The following SEMA3C variants were observed in gnomAD, a reference collection of about 807,000 sequenced individuals.
SEMA3C encodes semaphorin-3C.
In SEMA3C, 47 loss-of-function variants were observed where a neutral mutation model predicts 89.4. The observed-to-expected ratio is 0.53, with a 90% confidence interval of 0.42 to 0.67. The LOEUF is 0.67. Ranked by LOEUF, SEMA3C falls within the 30% of genes least tolerant of loss-of-function variation. The probability of loss-of-function intolerance (pLI) is 0.00; values close to 1 mark genes in which losing one functional copy is unlikely to be tolerated. For missense variants in SEMA3C, 839 were observed against 929.1 expected (o/e 0.90, Z 1.26); for synonymous variants, 310 against 320.2 (o/e 0.97, Z 0.34).
At chr7:80,757,431 C>A (rs770119328) in intron 15 of SEMA3C, among the ~76,000 whole-genome samples, 33 of 152,114 alleles carry the variant, frequency 2.2e-4, no homozygotes, top group Non-Finnish European at 4.7e-4. Context: ...ATAAAAAGTA[C>A]CCTGCCTCAG....
intron 5 of SEMA3C, among the ~76,000 whole-genome samples, chr7:80,814,942 G>A (rs1003685277): frequency 1.3e-5 from 2 of 151,986 alleles, no homozygotes; most frequent in Non-Finnish European, 2.9e-5. Flanking sequence ...CCCACGCACC[G>A]TGCCACAAAT....
chr7:80,783,279 T>C (rs1339469551), intron 12 of SEMA3C, among the ~76,000 whole-genome samples: 5 of 152,128 alleles, frequency 3.3e-5, no homozygotes, highest in Non-Finnish European at 7.3e-5. Context: ...CCCTGTCTCT[T>C]CACATACCTC....
intron 15 of SEMA3C, among the ~76,000 whole-genome samples, chr7:80,756,474 G>A (rs1165645807): frequency 6.6e-6 from 1 of 152,104 alleles, no homozygotes; most frequent in Non-Finnish European, 1.5e-5. Context: ...TTCAATGCAA[G>A]CCAAATCCAA....
At chr7:80,904,378 T>C (rs973924827) in intron 2 of SEMA3C, among the ~76,000 whole-genome samples, 3 of 152,170 alleles carry the variant, frequency 2.0e-5, no homozygotes, top group Admixed American at 6.5e-5. Flanking sequence ...CTTACAGATA[T>C]GTCATTATGT....
intron 16 of SEMA3C, 128 bp from the exon 17 acceptor site, chr7:80,749,156 C>A: frequency 1.1e-6 from 1 of 945,838 alleles, no homozygotes; most frequent in Non-Finnish European, 1.5e-6. Context: ...TCGCAGCCAG[C>A]AAAAAACAGT....
chr7:80,879,926 T>C (rs897256288), intron 2 of SEMA3C, among the ~76,000 whole-genome samples: 6 of 152,148 alleles, frequency 3.9e-5, no homozygotes, highest in African/African-American at 7.2e-5. Flanking sequence ...CTCTTCTTTA[T>C]AGGAGACCCA....
intron 15 of SEMA3C, among the ~76,000 whole-genome samples, chr7:80,754,966 T>TTGTTTTTTTTGTTTTTTTTG (rs1554359516): frequency 0.035 from 4,805 of 138,976 alleles, 326 homozygotes; most frequent in African/African-American, 0.11. Flanking sequence ...TGTTTTTTTT[T>TTGTTTTTTTTGTTTTTTTTG]TTTTTGTATT....
chr7:80,812,545 G>A (rs545392538), intron 5 of SEMA3C, among the ~76,000 whole-genome samples: 6 of 152,114 alleles, frequency 3.9e-5, no homozygotes, highest in African/African-American at 7.2e-5. Context: ...GTGAGAGTTC[G>A]TCTTGCAGGA....
At chr7:80,862,761 C>G (rs946149538) in intron 2 of SEMA3C, among the ~76,000 whole-genome samples, 1 of 152,122 alleles carries the variant, frequency 6.6e-6, no homozygotes, top group Non-Finnish European at 1.5e-5. Flanking sequence ...ACCACTGGAA[C>G]AGAATAGAGA....
In SEMA3C at chr7:80,755,834, C is replaced by T. The variant is rs1385002601; in HGVS notation, c.1643+2497G>A. ...ACATTTGAAATTTGCCTCCCTCACACTGTCCAGGTTTAGGCCTCCAGCCCC... is the reference window on the plus strand; with the variant it reads ...ACATTTGAAATTTGCCTCCCTCACATTGTCCAGGTTTAGGCCTCCAGCCCC... On this transcript the variant is annotated intron_variant, in intron 15 of 17. Coordinates refer to ENST00000265361, the MANE Select transcript of SEMA3C (RefSeq NM_006379.5). Among the ~76,000 whole-genome samples, 4 of 152,160 alleles carry T rather than the reference C, an allele frequency of 2.6e-5. No homozygotes were observed. In the South Asian group the frequency reaches 8.3e-4, roughly 31 times the overall value.
chr7:80,810,813 C>A, intron 5 of SEMA3C, 112 bp from the exon 6 acceptor site: 2 of 741,542 alleles, frequency 2.7e-6, no homozygotes, highest in Non-Finnish European at 4.6e-6. Context: ...TAGTTGGTTG[C>A]TTATTATGCC....
intron 2 of SEMA3C, among the ~76,000 whole-genome samples, chr7:80,893,489 C>T (rs931573862): frequency 1.3e-5 from 2 of 152,116 alleles, no homozygotes; most frequent in Admixed American, 1.3e-4. Context: ...ACACTGATTG[C>T]TAATAATATC....
chr7:80,755,800 T>C (rs370545051), intron 15 of SEMA3C, among the ~76,000 whole-genome samples: 1 of 152,134 alleles, frequency 6.6e-6, no homozygotes, highest in Non-Finnish European at 1.5e-5. Flanking sequence ...AAATCACTTA[T>C]GTGAGATTAC....
At chr7:80,886,343 C>G (rs939311355) in intron 2 of SEMA3C, among the ~76,000 whole-genome samples, 1 of 151,172 alleles carries the variant, frequency 6.6e-6, no homozygotes, top group Non-Finnish European at 1.5e-5. Flanking sequence ...TGTTGTACAA[C>G]TGGAAATTAA....
chr7:80,882,810 T>C (rs912028214), intron 2 of SEMA3C, among the ~76,000 whole-genome samples: 1 of 152,050 alleles, frequency 6.6e-6, no homozygotes, highest in African/African-American at 2.4e-5. Flanking sequence ...TAGAGTTATG[T>C]GGAAAACTTT....
upstream of SEMA3C, among the ~76,000 whole-genome samples, chr7:80,921,438 C>A (rs1792407185): frequency 6.6e-6 from 1 of 152,148 alleles, no homozygotes; most frequent in Admixed American, 6.5e-5. Context: ...GCACTAGAAG[C>A]CCCTAAGATT....
At chr7:80,889,634 G>C (rs1791566469) in intron 2 of SEMA3C, among the ~76,000 whole-genome samples, 1 of 152,036 alleles carries the variant, frequency 6.6e-6, no homozygotes, top group East Asian at 1.9e-4. Context: ...ACAAATCAAA[G>C]TAATTATATA....
intron 15 of SEMA3C, among the ~76,000 whole-genome samples, chr7:80,754,965 T>TTTTGTTTTTTTTTGTTTTTTTTTG (rs1788031271): frequency 1.1e-4 from 6 of 52,950 alleles, no homozygotes; most frequent in African/African-American, 3.2e-4. Context: ...TTGTTTTTTT[T>TTTTGTTTTTTTTTGTTTTTTTTTG]TTTTTTGTAT....
intron 2 of SEMA3C, among the ~76,000 whole-genome samples, chr7:80,894,380 T>C (rs1269349578): frequency 6.6e-6 from 1 of 152,160 alleles, no homozygotes; most frequent in Non-Finnish European, 1.5e-5. Context: ...TTTCACATTG[T>C]CATGTCAATA....
Sources: allele counts gnomAD v4.1 joint callset (sites outside exome capture counted in the v4.1 genomes callset), GRCh38; gene constraint gnomAD v4.1.1; transcripts MANE v1.5; gene names NCBI Gene and HGNC (gene_info 2026-07-23, HGNC 2026-07-21).